Variants in CACNA2D3 observed in about 807,000 individuals in gnomAD.
The protein encoded by CACNA2D3 is calcium voltage-gated channel auxiliary subunit alpha2delta 3, also known as voltage-dependent calcium channel subunit alpha-2/delta-3.
In CACNA2D3, 60 loss-of-function variants were observed where a neutral mutation model predicts 160.6. That is an observed-to-expected ratio of 0.37 (90% CI 0.30 to 0.46). The LOEUF (loss-of-function observed/expected upper bound fraction) is 0.46. Ranked by LOEUF, CACNA2D3 falls within the 20% of genes least tolerant of loss-of-function variation. CACNA2D3 has a pLI of 1.00. For synonymous variants in CACNA2D3, 558 were observed against 492.9 expected, an observed-to-expected ratio of 1.13 and a Z score of -1.75; for missense variants, 1,205 against 1,365.0, an observed-to-expected ratio of 0.88 and a Z score of 1.85.
At chr3:54,674,062 T>C (rs2106902731) in intron 11 of CACNA2D3, among the ~76,000 whole-genome samples, 1 of 152,344 alleles carries the variant, frequency 6.6e-6, no homozygotes, top group East Asian at 1.9e-4. Context: ...TCATTAATAG[T>C]AATAGATAAC....
At chr3:54,428,656 C>T (rs1285081099) in intron 4 of CACNA2D3, among the ~76,000 whole-genome samples, 1 of 151,612 alleles carries the variant, frequency 6.6e-6, no homozygotes, top group Non-Finnish European at 1.5e-5. Flanking sequence ...CTGCTATCAA[C>T]GATCTCTTTC....
chr3:54,697,062 A>G (rs1418099328), intron 11 of CACNA2D3, among the ~76,000 whole-genome samples: 3 of 152,118 alleles, frequency 2.0e-5, no homozygotes, highest in African/African-American at 7.2e-5. Flanking sequence ...GGATCACTTG[A>G]GCTCAGGAGT....
chr3:54,555,447 C>T (rs1047403315), intron 5 of CACNA2D3, among the ~76,000 whole-genome samples: 3 of 152,134 alleles, frequency 2.0e-5, no homozygotes, highest in African/African-American at 7.2e-5. Context: ...CCCTATGTAG[C>T]ATGTGCACAC....
intron 2 of CACNA2D3, among the ~76,000 whole-genome samples, chr3:54,263,481 C>T (rs1702441206): frequency 6.6e-6 from 1 of 152,002 alleles, no homozygotes; most frequent in Non-Finnish European, 1.5e-5. Context: ...AGTAACTTGC[C>T]CAGGGTCACA....
intron 17 of CACNA2D3, among the ~76,000 whole-genome samples, chr3:54,851,834 T>C (rs751088044): frequency 6.7e-4 from 102 of 152,340 alleles, no homozygotes; most frequent in South Asian, 2.3e-3. Flanking sequence ...ATGTGATATT[T>C]TACATTCTTT....
chr3:54,761,889 G>A (rs1702086855), intron 12 of CACNA2D3, among the ~76,000 whole-genome samples: 1 of 152,164 alleles, frequency 6.6e-6, no homozygotes, highest in South Asian at 2.1e-4. Context: ...TCCTCTGGGT[G>A]GGTCCCGACC....
intron 10 of CACNA2D3, chr3:54,638,591 CT>C (rs1296227080): frequency 6.6e-6 from 1 of 151,824 alleles, no homozygotes; most frequent in Non-Finnish European, 1.5e-5. Flanking sequence ...ATTAGAAAGA[CT>C]CAGTGACGCT....
At chr3:54,891,180 C>CGCGTGTGT in intron 24 of CACNA2D3, among the ~76,000 whole-genome samples, 175 bp from the exon 25 acceptor site, 1 of 141,994 alleles carries the variant, frequency 7.0e-6, no homozygotes, top group Admixed American at 7.0e-5. Context: ...AATCTGTGCT[C>CGCGTGTGT]GTGTGTGTGT....
rs376380325 is a variant in CACNA2D3 at position 54,503,505 on chromosome 3, A to G, written c.395A>G (p.Asn132Ser). Reference protein sequence around the residue: ...FDADLQYEYFNAVLINERDKD... With the variant: ...FDADLQYEYFSAVLINERDKD... ...TTTGTCTTTCAGTATGAATACTTCA[A>G]TGCTGTGCTGATAAATGAAAGGGAC... Residue 132 changes from asparagine (N) to serine (S), a missense_variant, in exon 5 of 38, where the codon AAT (asparagine) becomes AGT (serine). Physicochemically the swap from Asn to Ser is conservative, Grantham distance 46 (BLOSUM62 1). Transcript: ENST00000474759. 18 of 1,613,826 alleles carry G rather than the reference A, an allele frequency of 1.1e-5. No individual in the cohort carries two copies. The highest frequency in any genetic ancestry group is 1.3e-5 in the African/African-American group (1 of 74,930).
intron 27 of CACNA2D3, among the ~76,000 whole-genome samples, chr3:54,965,747 G>A (rs1017734893): frequency 6.6e-5 from 10 of 152,144 alleles, no homozygotes; most frequent in African/African-American, 2.4e-4. Flanking sequence ...ACTGGAAAGG[G>A]GATGAGGTCA....
At chr3:54,644,433 T>G (rs1314009293) in intron 11 of CACNA2D3, among the ~76,000 whole-genome samples, 1 of 152,206 alleles carries the variant, frequency 6.6e-6, no homozygotes, top group Non-Finnish European at 1.5e-5. Flanking sequence ...TTCTCTTCTT[T>G]ATGAACTTCC....
intron 29 of CACNA2D3, among the ~76,000 whole-genome samples, chr3:54,971,259 G>A (rs1702272160): frequency 6.6e-6 from 1 of 152,200 alleles, no homozygotes; most frequent in African/African-American, 2.4e-5. Flanking sequence ...GATAATTTTT[G>A]TAGGATAGTC....
At chr3:54,736,024 C>CATAT (rs201663679) in intron 11 of CACNA2D3, among the ~76,000 whole-genome samples, 1,154 of 65,192 alleles carry the variant, frequency 0.018, 54 homozygotes, top group Non-Finnish European at 0.029. Flanking sequence ...TATACACATA[C>CATAT]ATATATATAT....
intron 11 of CACNA2D3, among the ~76,000 whole-genome samples, chr3:54,684,825 C>G (rs1471652177): frequency 6.6e-6 from 1 of 152,140 alleles, no homozygotes; most frequent in African/African-American, 2.4e-5. Context: ...GTGGGTCCAG[C>G]AGGTTTAGGG....
chr3:54,591,312 T>C (rs985443338), intron 9 of CACNA2D3, among the ~76,000 whole-genome samples: 4 of 152,176 alleles, frequency 2.6e-5, no homozygotes, highest in Non-Finnish European at 5.9e-5. Flanking sequence ...TGATTGGTTC[T>C]GCTAAATCAG....
intron 2 of CACNA2D3, among the ~76,000 whole-genome samples, chr3:54,240,841 A>G (rs567074763): frequency 6.6e-6 from 1 of 152,174 alleles, no homozygotes; most frequent in East Asian, 1.9e-4. Context: ...TCCCAGGTTC[A>G]AGTGATTCTC....
chr3:55,072,665 T>C (rs907568687), intron 35 of CACNA2D3, among the ~76,000 whole-genome samples: 14 of 152,268 alleles, frequency 9.2e-5, no homozygotes, highest in Non-Finnish European at 1.9e-4. Context: ...TATGAGATTT[T>C]GATCCCTCAT....
At chr3:54,732,773 G>C (rs75278624) in intron 11 of CACNA2D3, among the ~76,000 whole-genome samples, 1 of 152,282 alleles carries the variant, frequency 6.6e-6, no homozygotes, top group Admixed American at 6.5e-5. Flanking sequence ...GACCTTTGGG[G>C]CATCATTTCC....
intron 4 of CACNA2D3, among the ~76,000 whole-genome samples, chr3:54,432,822 C>T (rs2106776867): frequency 6.6e-6 from 1 of 152,124 alleles, no homozygotes; most frequent in East Asian, 1.9e-4. Flanking sequence ...GCACTTTGGT[C>T]AGTTTCCCTA....
Sources: allele counts gnomAD v4.1 joint callset (sites outside exome capture counted in the v4.1 genomes callset), GRCh38; gene constraint gnomAD v4.1.1; transcripts MANE v1.5; gene names NCBI Gene and HGNC (gene_info 2026-07-23, HGNC 2026-07-21).